TBC1D2: variants seen among roughly 807,000 people sequenced by gnomAD.
TBC1D2 encodes the protein TBC1 domain family member 2A.
Under a neutral mutation model 91.1 loss-of-function variants are expected in TBC1D2, and 58 were observed. The observed-to-expected ratio is 0.64, with a 90% confidence interval of 0.52 to 0.79. The LOEUF (loss-of-function observed/expected upper bound fraction) is 0.79, where lower values mean the gene tolerates loss of function less well. Ranked by LOEUF, TBC1D2 falls within the 30% of genes least tolerant of loss-of-function variation. The probability of loss-of-function intolerance (pLI) is 0.00; values close to 1 mark genes in which losing one functional copy is unlikely to be tolerated. For missense variants in TBC1D2, 1,080 were observed against 1,208.3 expected, an observed-to-expected ratio of 0.89 and a Z score of 1.57; for synonymous variants, 482 against 511.5, an observed-to-expected ratio of 0.94 and a Z score of 0.78.
chr9:98,220,509 C>A (rs1220127983), intron 6 of TBC1D2, among the ~76,000 whole-genome samples: 1 of 152,100 alleles, frequency 6.6e-6, no homozygotes, highest in Non-Finnish European at 1.5e-5. Context: ...GTTGACCAGG[C>A]CAGGCCCCAC....
At position 98,199,387 on chromosome 9, in the gene TBC1D2, T is replaced by A; in HGVS notation, c.2781A>T (p.Glu927Asp). Residue 927 changes from glutamate to aspartate, a missense_variant, in exon 13 of 13, where the codon GAA becomes GAT. By Grantham distance (45) the Glu-to-Asp change is conservative. Transcript: ENST00000465784. Reference protein sequence around the residue: ...GCASEDEVEGEA With the variant: ...GCASEDEVEGDA ...GGGAGGGGAGGTGGCCAAGTCAGGC[T>A]TCCCCCTCCACCTCGTCCTCGCTGG... 1 of 1,612,874 alleles carries A rather than the reference T, an allele frequency of 6.2e-7. No homozygotes were observed. The highest frequency in any genetic ancestry group is 8.5e-7 in the Non-Finnish European group (1 of 1,179,936).
rs1297520831 is a variant in TBC1D2 at position 98,209,717 on chromosome 9, TTTTCC to T, written c.1674-578_1674-574del. Among the ~76,000 whole-genome samples, 139 of 132,222 alleles carry T rather than the reference TTTTCC, an allele frequency of 1.1e-3. 2 individuals carry two copies. The highest frequency in any genetic ancestry group is 3.7e-3 in the African/African-American group (123 of 33,488). The allele number at this position is 132,222 out of a possible 152,430, so 86.7% of individuals were successfully genotyped here. ...AGGTGTGTTTGCCTAAATCTTTTTT[TTTTCC>T]TTCCTTCCTTCCTTCTTTCCTTTCC... is the stretch of plus-strand genomic sequence containing the variant. On this transcript the variant is annotated intron_variant, in intron 8 of 12. Coordinates refer to ENST00000465784, the MANE Select transcript of TBC1D2 (RefSeq NM_001267571.2).
rs183954182 is a variant in TBC1D2 at position 98,245,291 on chromosome 9, G to A, written c.512-1162C>T. On this transcript the variant is annotated intron_variant, in intron 2 of 12. Transcript: ENST00000465784. Reference sequence around the variant, plus strand: ...AAAACAAACAAAAAATTGGAAGGCTGGATGTTGTGGCTCACACCTGTAATC... The same window carrying A: ...AAAACAAACAAAAAATTGGAAGGCTAGATGTTGTGGCTCACACCTGTAATC... Among the ~76,000 whole-genome samples, 286 of 152,020 alleles carry A rather than the reference G, an allele frequency of 1.9e-3. 1 individual carries two copies. Among genetic ancestry groups the A allele is most frequent in the Non-Finnish European group, 3.3e-3 (222 of 67,966 alleles).
intron 1 of TBC1D2, among the ~76,000 whole-genome samples, chr9:98,254,120 A>C (rs1829926125): frequency 6.6e-6 from 1 of 152,186 alleles, no homozygotes. Flanking sequence ...AGAACTGAAC[A>C]CGTGGGCATC....
At position 98,255,614 on chromosome 9, in the gene TBC1D2, G is replaced by A. The variant is rs1473250671; in HGVS notation, c.-73C>T. On this transcript the variant is annotated 5_prime_UTR_variant, in exon 1 of 13. Transcript: ENST00000465784. ...CAGGGACAAATCTCGGAGACTCGGC[G>A]GGCAGCTTCCCAAAGGGAGACACCT... 1.3e-5 allele frequency: 19 copies of A among 1,410,836 alleles called. No individual in the cohort carries two copies. Among genetic ancestry groups the A allele is most frequent in the Non-Finnish European group, 5.5e-6 (6 of 1,086,478 alleles). 87.4% of individuals were successfully genotyped at this position (1,410,836 alleles called of 1,614,324 possible).
rs1828726961 is a variant in TBC1D2, at chr9:98,208,760, G to GC, written c.2057dup (p.Cys686TrpfsTer62). 1.3e-6 allele frequency: 2 copies of GC among 1,572,576 alleles called. No homozygotes were observed. Among genetic ancestry groups the GC allele is most frequent in the Non-Finnish European group, 1.7e-6 (2 of 1,154,970 alleles). On this transcript the variant is annotated frameshift_variant, in exon 9 of 13. Coordinates refer to ENST00000465784, the MANE Select transcript of TBC1D2 (RefSeq NM_001267571.2). LOFTEE classifies it high-confidence loss of function. Reference sequence around the variant, plus strand: ...GCTTGTCGGGGAAGCTGGAGGTGGGGCAGGTGAAGTGTTTGTTGTTGGGGA... The same window carrying GC: ...GCTTGTCGGGGAAGCTGGAGGTGGGGCCAGGTGAAGTGTTTGTTGTTGGGGA...
rs114228957 is a variant in TBC1D2, at chr9:98,233,367, C to T, written c.781+49G>A. The T allele has an allele frequency of 1.0e-3, 1,579 of 1,572,882 alleles. 10 individuals are homozygous for T. The African/African-American group carries it at 0.015, about 15-fold the overall frequency. On this transcript the variant is annotated intron_variant, in intron 4 of 12. Coordinates refer to ENST00000465784, the MANE Select transcript of TBC1D2 (RefSeq NM_001267571.2). The stretch of plus-strand genomic sequence containing the variant: ...AAGGAAAGAAGGCACTTGTGCCAGC[C>T]GTGAGGAGCTGGTCCCTGAAGGCAG...
intron 6 of TBC1D2, chr9:98,213,493 G>T: frequency 9.2e-7 from 1 of 1,083,652 alleles, no homozygotes; most frequent in Non-Finnish European, 1.2e-6. Context: ...GAACCACTCT[G>T]ACCCTCTGTT....
chr9:98,213,305 G>A, intron 6 of TBC1D2, 87 bp from the exon 7 acceptor site: 1 of 1,556,584 alleles, frequency 6.4e-7, no homozygotes, highest in African/African-American at 1.4e-5. Flanking sequence ...AGCCCCCAAA[G>A]CTTCTTTTCC....
chr9:98,217,517 C>A (rs1828999218), intron 6 of TBC1D2, among the ~76,000 whole-genome samples: 1 of 152,196 alleles, frequency 6.6e-6, no homozygotes, highest in African/African-American at 2.4e-5. Context: ...ATCTGATATT[C>A]AAGAGGTCAG....
Position 98,208,089 on chromosome 9 carries a change from A to G in TBC1D2, c.2150+579T>C, listed in dbSNP as rs552304727. ...GGGGCCTTACCCTGTAGATTCCAGC[A>G]GGCCAAAGTTTGAGAGGCCATGTAA... is the stretch of plus-strand genomic sequence containing the variant. On this transcript the variant is annotated intron_variant, in intron 9 of 12. Coordinates refer to ENST00000465784, the MANE Select transcript of TBC1D2 (RefSeq NM_001267571.2). 5.3e-4 allele frequency among the ~76,000 whole-genome samples: 81 copies of G among 152,306 alleles called. 1 individual carries two copies. The highest frequency in any genetic ancestry group is 1.9e-3 in the African/African-American group (78 of 41,580).
intron 3 of TBC1D2, among the ~76,000 whole-genome samples, chr9:98,236,934 T>C (rs1041476319): frequency 1.3e-5 from 2 of 151,650 alleles, no homozygotes; most frequent in African/African-American, 4.9e-5. Flanking sequence ...TTCCATTTTT[T>C]TTTTTTTTCC....
At chr9:98,247,460 GGCTC>G (rs1829788714) in intron 2 of TBC1D2, among the ~76,000 whole-genome samples, 1 of 152,132 alleles carries the variant, frequency 6.6e-6, no homozygotes, top group Admixed American at 6.5e-5. Context: ...TGGGCACGAT[GGCTC>G]ACGCCTGTAA....
At chr9:98,244,202 T>C (rs1240383706) in intron 2 of TBC1D2, 73 bp from the exon 3 acceptor site, 5 of 1,579,036 alleles carry the variant, frequency 3.2e-6, no homozygotes, top group African/African-American at 2.7e-5. Context: ...TGGGATGCTA[T>C]GGGTGCAGCC....
chr9:98,213,857 G>A (rs1828909622), intron 6 of TBC1D2, among the ~76,000 whole-genome samples: 1 of 151,942 alleles, frequency 6.6e-6, no homozygotes, highest in East Asian at 1.9e-4. Flanking sequence ...TATGAATAAT[G>A]CTGTGATAAA....
chr9:98,247,053 C>T (rs1045616243), intron 2 of TBC1D2, among the ~76,000 whole-genome samples: 3 of 151,504 alleles, frequency 2.0e-5, no homozygotes, highest in Non-Finnish European at 4.4e-5. Flanking sequence ...AAGGGCCGGG[C>T]GCAGTGGCTC....
chr9:98,247,511 G>A lies in TBC1D2; in HGVS notation c.512-3382C>T, dbSNP rs544249435. ...TGGGAGGCGGAGGTGGGTGGAGCAC[G>A]AGGTCAGGAGATTGAGACCATCCCA... On this transcript the variant is annotated intron_variant, in intron 2 of 12. Transcript: ENST00000465784. Among the ~76,000 whole-genome samples, 12 of 152,220 alleles carry A rather than the reference G, an allele frequency of 7.9e-5. No homozygotes were observed. The South Asian group carries it at 2.3e-3, about 29-fold the overall frequency.
chr9:98,200,919 G>A (rs1220843241), intron 11 of TBC1D2, among the ~76,000 whole-genome samples: 1 of 152,024 alleles, frequency 6.6e-6, no homozygotes, highest in African/African-American at 2.4e-5. Flanking sequence ...CGGAGGTTGA[G>A]GCAGGAGAAC....
At chr9:98,250,867 G>A (rs1421364931) in intron 2 of TBC1D2, among the ~76,000 whole-genome samples, 4 of 152,174 alleles carry the variant, frequency 2.6e-5, no homozygotes, top group Admixed American at 1.3e-4. Context: ...TGCAGCATGG[G>A]GGTGGGAGGG....
Sources: allele counts gnomAD v4.1 joint callset (sites outside exome capture counted in the v4.1 genomes callset), GRCh38; gene constraint gnomAD v4.1.1; transcripts MANE v1.5; gene names NCBI Gene and HGNC (gene_info 2026-07-23, HGNC 2026-07-21).